Variants in COLQ observed in about 807,000 individuals in gnomAD.
The protein encoded by COLQ is acetylcholinesterase collagenic tail peptide.
A neutral mutation model predicts 69.0 loss-of-function variants in COLQ; 48 were observed. The observed-to-expected ratio is 0.70, with a 90% CI of 0.55 to 0.88. The LOEUF (loss-of-function observed/expected upper bound fraction) is 0.88. Among genes scored for constraint, COLQ ranks in the 40% least tolerant of loss-of-function variants. COLQ has a pLI of 0.00. For missense variants in COLQ, 618 were observed against 594.6 expected (o/e 1.04, Z -0.41); for synonymous variants, 217 against 211.2 (o/e 1.03, Z -0.24).
At chr3:15,484,355 G>T (rs977536279) in intron 3 of COLQ, among the ~76,000 whole-genome samples, 2 of 152,200 alleles carry the variant, frequency 1.3e-5, no homozygotes, top group Non-Finnish European at 2.9e-5. Flanking sequence ...GGTACCAGTT[G>T]TTCCTTTCCA....
rs2061924958 is a variant in COLQ at position 15,450,387 on chromosome 3, C to T, written c.*1257G>A. The T allele has an allele frequency of 6.5e-6, 1 of 153,742 alleles. No homozygotes were observed. The highest frequency in any genetic ancestry group is 1.5e-5 in the Non-Finnish European group (1 of 68,050). 9.5% of individuals were successfully genotyped at this position (153,742 alleles called of 1,614,324 possible). Reference sequence around the variant, plus strand: ...CTGCTGAGTCCCCAAGACACAGGCTCATTAAATAGCTTCGTACAAAAACCC... The same window carrying T: ...CTGCTGAGTCCCCAAGACACAGGCTTATTAAATAGCTTCGTACAAAAACCC... On this transcript the variant is annotated 3_prime_UTR_variant, in exon 17 of 17. Coordinates refer to ENST00000383788, the MANE Select transcript of COLQ (RefSeq NM_005677.4).
At chr3:15,474,872 A>T in intron 8 of COLQ, 53 bp downstream of exon 8, 1 of 1,607,426 alleles carries the variant, frequency 6.2e-7, no homozygotes, top group Non-Finnish European at 8.5e-7. Context: ...CTCTGATTCC[A>T]GAGCCAGTAG....
At chr3:15,459,745 C>T (rs2062078643) in intron 12 of COLQ, among the ~76,000 whole-genome samples, 1 of 152,034 alleles carries the variant, frequency 6.6e-6, no homozygotes, top group African/African-American at 2.4e-5. Context: ...TCCCAAAGTG[C>T]TGGGATTACA....
chr3:15,497,885 C>A (rs955871888), intron 1 of COLQ, among the ~76,000 whole-genome samples: 2 of 152,198 alleles, frequency 1.3e-5, no homozygotes, highest in African/African-American at 4.8e-5. Flanking sequence ...TACAATTTTC[C>A]TTCAATCCCC....
intron 1 of COLQ, among the ~76,000 whole-genome samples, chr3:15,514,383 G>T (rs570112682): frequency 6.6e-6 from 1 of 152,092 alleles, no homozygotes; most frequent in Non-Finnish European, 1.5e-5. Context: ...TGTCTCAGTG[G>T]TCTGCAGTTT....
Position 15,451,673 on chromosome 3 carries a change from C to T in COLQ, c.1339G>A (p.Asp447Asn), listed in dbSNP as rs770753693. The T allele has an allele frequency of 1.4e-5, 22 of 1,614,004 alleles. No individual in the cohort carries two copies. The highest frequency in any genetic ancestry group is 1.3e-4 in the East Asian group (6 of 44,886). ...DLQCTQYCYI[D>N]STPCRYFT ...GTGAAGTAGCGGCAGGGCGTGGAGT[C>T]GATGTAGCAGTACTGGGTGCATTGC... is the stretch of plus-strand genomic sequence containing the variant. Residue 447 changes from aspartate (D) to asparagine (N), a missense_variant, in exon 17 of 17, where the codon GAC becomes AAC. Coordinates refer to ENST00000383788, the MANE Select transcript of COLQ (RefSeq NM_005677.4).
chr3:15,497,819 A>T (rs1490131885), intron 1 of COLQ, among the ~76,000 whole-genome samples: 1 of 152,194 alleles, frequency 6.6e-6, no homozygotes, highest in Non-Finnish European at 1.5e-5. Flanking sequence ...ACATTAACTG[A>T]ATGCAATTTG....
chr3:15,499,370 G>A (rs1322895410), intron 1 of COLQ, among the ~76,000 whole-genome samples: 2 of 152,214 alleles, frequency 1.3e-5, no homozygotes, highest in Non-Finnish European at 2.9e-5. Context: ...GTTTTGATCA[G>A]CTTAGTAAAG....
intron 1 of COLQ, among the ~76,000 whole-genome samples, chr3:15,498,281 T>C (rs1339824065): frequency 6.6e-6 from 1 of 152,074 alleles, no homozygotes. Flanking sequence ...CCCCACCAAC[T>C]CTACTGTGAA....
chr3:15,504,565 T>C (rs560088499), intron 1 of COLQ, among the ~76,000 whole-genome samples: 1 of 152,256 alleles, frequency 6.6e-6, no homozygotes, highest in South Asian at 2.1e-4. Flanking sequence ...TCTCCAAATA[T>C]AGTCACATTC....
chr3:15,519,244 C>A (rs888017527), intron 1 of COLQ, among the ~76,000 whole-genome samples: 1 of 152,192 alleles, frequency 6.6e-6, no homozygotes, highest in Admixed American at 6.5e-5. Flanking sequence ...TGTGGATGTG[C>A]GCACTGGTTG....
At chr3:15,482,425 G>A (rs1327243461) in intron 3 of COLQ, among the ~76,000 whole-genome samples, 4 of 152,178 alleles carry the variant, frequency 2.6e-5, no homozygotes, top group Non-Finnish European at 4.4e-5. Context: ...ATGAAGGGCT[G>A]TTGAATTTTG....
At chr3:15,494,198 G>C (rs532455127) in intron 1 of COLQ, among the ~76,000 whole-genome samples, 1 of 152,286 alleles carries the variant, frequency 6.6e-6, no homozygotes, top group Admixed American at 6.5e-5. Context: ...AGGAAACCAC[G>C]GCAGGTGCAG....
intron 1 of COLQ, among the ~76,000 whole-genome samples, chr3:15,514,872 G>A (rs1264311644): frequency 6.6e-6 from 1 of 152,218 alleles, no homozygotes; most frequent in African/African-American, 2.4e-5. Flanking sequence ...AGCTTGTCCT[G>A]CTTTTCAAGA....
chr3:15,455,831 G>A (rs1438496992), intron 15 of COLQ, 68 bp downstream of exon 15: 1 of 1,605,864 alleles, frequency 6.2e-7, no homozygotes, highest in Admixed American at 1.7e-5. Flanking sequence ...CTGGTGTCCA[G>A]GGCTGGCCCT....
At chr3:15,463,694 C>G (rs951790732) in intron 12 of COLQ, among the ~76,000 whole-genome samples, 5 of 152,072 alleles carry the variant, frequency 3.3e-5, no homozygotes, top group African/African-American at 1.2e-4. Context: ...CCAAGAGAGT[C>G]CCTTCTGAAG....
chr3:15,496,879 A>G (rs1480064351), intron 1 of COLQ, among the ~76,000 whole-genome samples: 1 of 152,092 alleles, frequency 6.6e-6, no homozygotes, highest in Non-Finnish European at 1.5e-5. Flanking sequence ...ATTTTCTCCA[A>G]TTTACTCTTG....
chr3:15,476,173 C>T (rs1220848656), intron 6 of COLQ, among the ~76,000 whole-genome samples: 1 of 152,144 alleles, frequency 6.6e-6, no homozygotes, highest in Non-Finnish European at 1.5e-5. Flanking sequence ...TTTACATTTA[C>T]ACATCTCCAT....
At chr3:15,499,380 G>C (rs993169806) in intron 1 of COLQ, among the ~76,000 whole-genome samples, 3 of 152,174 alleles carry the variant, frequency 2.0e-5, no homozygotes, top group African/African-American at 7.2e-5. Context: ...GCTTAGTAAA[G>C]ACCATAAGCT....
Sources: allele counts gnomAD v4.1 joint callset (sites outside exome capture counted in the v4.1 genomes callset), GRCh38; gene constraint gnomAD v4.1.1; transcripts MANE v1.5; gene names NCBI Gene and HGNC (gene_info 2026-07-23, HGNC 2026-07-21).